The following WDFY3 variants were observed in gnomAD, a reference collection of about 807,000 sequenced individuals.
WDFY3 encodes the protein WD repeat and FYVE domain containing 3.
Under a neutral mutation model 409.6 loss-of-function variants are expected in WDFY3, and 66 were observed. The observed-to-expected ratio is 0.16, with a 90% CI of 0.13 to 0.20. WDFY3 has a LOEUF of 0.20. Among genes scored for constraint, WDFY3 ranks in the 10% least tolerant of loss-of-function variants. WDFY3 has a pLI of 1.00. For missense variants in WDFY3, 3,031 were observed against 4,298.1 expected, an observed-to-expected ratio of 0.71 and a Z score of 8.24; for synonymous variants, 1,521 against 1,537.1, an observed-to-expected ratio of 0.99 and a Z score of 0.25.
chr4:84,696,706 T>C (rs759675929), intron 57 of WDFY3, 26 bp downstream of exon 57: 2 of 1,607,406 alleles, frequency 1.2e-6, no homozygotes, highest in Non-Finnish European at 1.7e-6. Context: ...AAATTCAACT[T>C]CAATTGTAAA....
intron 53 of WDFY3, among the ~76,000 whole-genome samples, chr4:84,707,358 A>G (rs115671038): frequency 5.5e-4 from 84 of 152,310 alleles, no homozygotes; most frequent in African/African-American, 1.9e-3. Context: ...CAATGGTCCA[A>G]TAAAGATGAG....
At chr4:84,715,021 T>C (rs1379037611) in intron 50 of WDFY3, among the ~76,000 whole-genome samples, 1 of 152,172 alleles carries the variant, frequency 6.6e-6, no homozygotes, top group Non-Finnish European at 1.5e-5. Context: ...TCATCATCCT[T>C]TGTATTTAGA....
At chr4:84,932,562 C>G (rs1256218157) in intron 1 of WDFY3, among the ~76,000 whole-genome samples, 199 bp from the exon 2 acceptor site, 1 of 152,140 alleles carries the variant, frequency 6.6e-6, no homozygotes, top group Non-Finnish European at 1.5e-5. Flanking sequence ...AAGCTGGTCT[C>G]TACAGACCAT....
At chr4:84,962,343 G>T (rs1775018867) in intron 1 of WDFY3, among the ~76,000 whole-genome samples, 1 of 152,036 alleles carries the variant, frequency 6.6e-6, no homozygotes, top group African/African-American at 2.4e-5. Context: ...ACTGACACAT[G>T]TAACAACTTA....
chr4:84,864,138 G>T (rs1299391513), intron 3 of WDFY3, among the ~76,000 whole-genome samples: 1 of 151,948 alleles, frequency 6.6e-6, no homozygotes, highest in Non-Finnish European at 1.5e-5. Context: ...AGGACGAGGT[G>T]GGCGGATCAC....
intron 7 of WDFY3, among the ~76,000 whole-genome samples, chr4:84,836,611 C>A (rs1041339605): frequency 2.6e-5 from 4 of 151,774 alleles, no homozygotes; most frequent in East Asian, 1.9e-4. Flanking sequence ...GAAATATTAT[C>A]CAAATCTTTA....
intron 3 of WDFY3, among the ~76,000 whole-genome samples, chr4:84,874,731 T>G (rs918535017): frequency 1.3e-5 from 2 of 152,192 alleles, no homozygotes; most frequent in African/African-American, 2.4e-5. Flanking sequence ...GCAAGTTTGT[T>G]GTTCAGCTTT....
intron 64 of WDFY3, among the ~76,000 whole-genome samples, chr4:84,679,952 A>C (rs958036584): frequency 6.0e-5 from 9 of 149,500 alleles, no homozygotes; most frequent in Non-Finnish European, 4.5e-5. Flanking sequence ...GTGCAGTGGC[A>C]TGATCTTGGC....
chr4:84,793,592 T>A (rs1748880340), intron 21 of WDFY3, among the ~76,000 whole-genome samples: 1 of 152,220 alleles, frequency 6.6e-6, no homozygotes, highest in Non-Finnish European at 1.5e-5. Context: ...TGAAGGAAAT[T>A]GCAAAACAAA....
In WDFY3 at chr4:84,687,386, G is replaced by T. The variant is rs183694933; in HGVS notation, c.9543+700C>A. ...TGGAACTCCTGACCTCAAATGATCCGCCTGCACTGACCTCCCAAAGTGCTG... is the reference window on the plus strand; with the variant it reads ...TGGAACTCCTGACCTCAAATGATCCTCCTGCACTGACCTCCCAAAGTGCTG... On this transcript the variant is annotated intron_variant, in intron 62 of 67. Transcript: ENST00000295888. Among the ~76,000 whole-genome samples the T allele has an allele frequency of 3.3e-3, 509 of 152,090 alleles. 4 individuals carry two copies. The highest frequency in any genetic ancestry group is 0.012 in the African/African-American group (490 of 41,464).
chr4:84,876,061 T>C (rs1762739470), intron 3 of WDFY3, among the ~76,000 whole-genome samples: 1 of 152,236 alleles, frequency 6.6e-6, no homozygotes, highest in Non-Finnish European at 1.5e-5. Context: ...ATGTGTTATA[T>C]ACTATACATA....
chr4:84,919,389 T>C (rs767186571), intron 2 of WDFY3, among the ~76,000 whole-genome samples: 1 of 152,146 alleles, frequency 6.6e-6, no homozygotes, highest in Non-Finnish European at 1.5e-5. Context: ...GGATGCTACA[T>C]ACAGGGGATG....
rs149711317 is a variant in WDFY3, at chr4:84,688,237, G to A, written c.9392C>T (p.Thr3131Ile). 1.9e-6 allele frequency: 3 copies of A among 1,614,098 alleles called. No individual in the cohort carries two copies. The Admixed American group carries it at 5.0e-5, about 27-fold the overall frequency. The change falls in exon 62 of 68, where the codon ACC (threonine) becomes ATC (isoleucine). Residue 3131 changes from threonine (T) to isoleucine (I), a missense_variant. This residue lies in a region of WDFY3 where 152 missense variants were observed against 193.5 expected (regional missense o/e 0.79). Transcript: ENST00000295888. ...ATAGGCTAATGATGCTGTGGCGCAG[G>A]TGACGGTATCAGTGTGGCCCAGTAA... ...QALLGHTDTV[T>I]CATASLAYHI...
chr4:84,734,437 A>G (rs560483003), intron 43 of WDFY3, among the ~76,000 whole-genome samples: 85 of 152,334 alleles, frequency 5.6e-4, no homozygotes, highest in African/African-American at 2.0e-3. Flanking sequence ...GGGGAAACTA[A>G]GGATCTAGTG....
At chr4:84,863,245 G>C (rs1487065768) in intron 3 of WDFY3, among the ~76,000 whole-genome samples, 3 of 152,188 alleles carry the variant, frequency 2.0e-5, no homozygotes, top group Non-Finnish European at 4.4e-5. Context: ...ACCCAGAAAT[G>C]AGACTGCTGT....
At chr4:84,699,409 G>A (rs1304035882) in intron 56 of WDFY3, among the ~76,000 whole-genome samples, 2 of 152,142 alleles carry the variant, frequency 1.3e-5, no homozygotes, top group African/African-American at 2.4e-5. Flanking sequence ...TTTCATGGAT[G>A]AATAATATTT....
rs575487883 is a variant in WDFY3, at chr4:84,844,224, A to C, written c.305-2961T>G. Among the ~76,000 whole-genome samples, 3 of 152,334 alleles carry C rather than the reference A, an allele frequency of 2.0e-5. No homozygotes were observed. In the East Asian group the frequency reaches 5.8e-4, roughly 29 times the overall value. On this transcript the variant is annotated intron_variant, in intron 5 of 67. Transcript: ENST00000295888. ...AAGTGAAATACAAGTTTTCCTTTGC[A>C]AAGTCCATTTAAAGCGTATTCCATT...
rs201072790 is a variant in WDFY3, at chr4:84,784,860, A to G, written c.4062+1119T>C. Among the ~76,000 whole-genome samples, 273 of 63,276 alleles carry G rather than the reference A, an allele frequency of 4.3e-3. 1 individual carries two copies. Among genetic ancestry groups the G allele is most frequent in the African/African-American group, 9.7e-3 (145 of 14,896 alleles). The allele number at this position is 63,276 out of a possible 152,430, so 41.5% of individuals were successfully genotyped here. On this transcript the variant is annotated intron_variant, in intron 24 of 67. Transcript: ENST00000295888. ...TCTCAAAAAAAAAAAGTGTATATGT[A>G]TATATATATATATATATATATATAT...
At chr4:84,726,737 A>C in intron 45 of WDFY3, 124 bp downstream of exon 45, 1 of 798,370 alleles carries the variant, frequency 1.3e-6, no homozygotes, top group East Asian at 2.7e-5. Context: ...AACTTATAGG[A>C]AGAACAAATT....
Sources: allele counts gnomAD v4.1 joint callset (sites outside exome capture counted in the v4.1 genomes callset), GRCh38; gene constraint gnomAD v4.1.1; regional missense constraint gnomAD v4.1.1; transcripts MANE v1.5; gene names NCBI Gene and HGNC (gene_info 2026-07-23, HGNC 2026-07-21).